GUCY2C: variants seen among roughly 807,000 people sequenced by gnomAD.
The protein encoded by GUCY2C is guanylyl cyclase C.
Under a neutral mutation model 131.1 loss-of-function variants are expected in GUCY2C, and 118 were observed. The observed-to-expected ratio is 0.90, with a 90% confidence interval of 0.78 to 1.05. GUCY2C has a LOEUF of 1.05. Among genes scored for constraint, GUCY2C ranks in the 50% least tolerant of loss-of-function variants. The pLI, the probability that GUCY2C is intolerant of heterozygous loss-of-function variation, is 0.00. For missense variants in GUCY2C, 1,161 were observed against 1,304.4 expected (o/e 0.89, Z 1.69); for synonymous variants, 452 against 457.8 (o/e 0.99, Z 0.16).
At chr12:14,639,986 A>G in intron 18 of GUCY2C, 36 bp from the exon 19 acceptor site, 1 of 1,271,824 alleles carries the variant, frequency 7.9e-7, no homozygotes, top group Non-Finnish European at 1.2e-6. Flanking sequence ...TACAAAGAAG[A>G]ATACAGCATG....
chr12:14,663,618 G>A (rs1947913201), intron 10 of GUCY2C, among the ~76,000 whole-genome samples: 1 of 152,154 alleles, frequency 6.6e-6, no homozygotes, highest in African/African-American at 2.4e-5. Context: ...TATAATTGAT[G>A]TAGGTGCCCC....
intron 21 of GUCY2C, among the ~76,000 whole-genome samples, chr12:14,625,136 C>T (rs1029380280): frequency 5.3e-5 from 8 of 152,046 alleles, no homozygotes; most frequent in East Asian, 1.9e-4. Context: ...AGCTGTGATC[C>T]GCCTCCTAGT....
intron 2 of GUCY2C, among the ~76,000 whole-genome samples, 184 bp downstream of exon 2, chr12:14,687,767 C>A (rs1194373058): frequency 6.6e-6 from 1 of 152,146 alleles, no homozygotes; most frequent in Non-Finnish European, 1.5e-5. Flanking sequence ...TCATGGAGGG[C>A]CCCTGTCATT....
Position 14,619,266 on chromosome 12 carries a change from A to G in GUCY2C, c.2820T>C (p.Tyr940=), listed in dbSNP as rs759602995. 17 of 1,613,006 alleles carry G rather than the reference A, an allele frequency of 1.1e-5. No homozygotes were observed. The highest frequency in any genetic ancestry group is 1.4e-5 in the Non-Finnish European group (17 of 1,179,140). The change falls in exon 24 of 27, where the codon TAT becomes TAC. Residue 940 remains tyrosine (Y), a synonymous_variant. Coordinates refer to ENST00000261170, the MANE Select transcript of GUCY2C (RefSeq NM_004963.4). The part of the protein sequence containing the change: ...AGVVGIKMPR[Y]CLFGDTVNTA... ...TGTTGACCGTATCTCCAAATAGACAATAACGAGGCATCTTGATTCCCACAA... is the reference window on the plus strand; with the variant it reads ...TGTTGACCGTATCTCCAAATAGACAGTAACGAGGCATCTTGATTCCCACAA...
chr12:14,673,856 C>A (rs1465890861), intron 8 of GUCY2C, among the ~76,000 whole-genome samples: 2 of 152,168 alleles, frequency 1.3e-5, no homozygotes, highest in African/African-American at 4.8e-5. Context: ...CTCCCTGCAT[C>A]TTCAGTGAAG....
chr12:14,628,104 G>A (rs1386781308), intron 20 of GUCY2C, among the ~76,000 whole-genome samples: 1 of 152,124 alleles, frequency 6.6e-6, no homozygotes, highest in African/African-American at 2.4e-5. Context: ...TTAATTCAGT[G>A]TTATTTTTCT....
chr12:14,638,039 T>C (rs1308571687), intron 19 of GUCY2C, among the ~76,000 whole-genome samples: 1 of 152,032 alleles, frequency 6.6e-6, no homozygotes, highest in Non-Finnish European at 1.5e-5. Flanking sequence ...AAAAATTCCA[T>C]TAAAAAGTGG....
chr12:14,619,193 AAC>A lies in GUCY2C; in HGVS notation c.2875+16_2875+17del, dbSNP rs759505870. The A allele has an allele frequency of 1.4e-6, 2 of 1,451,070 alleles. No homozygotes were observed. The highest frequency in any genetic ancestry group is 1.4e-5 in the African/African-American group (1 of 71,828). 89.9% of individuals were successfully genotyped at this position (1,451,070 alleles called of 1,614,324 possible). A position where few individuals can be genotyped will look rare whatever the true frequency, so the allele number is the denominator to read the frequency against. On this transcript the variant is annotated intron_variant, in intron 24 of 26. Coordinates refer to ENST00000261170, the MANE Select transcript of GUCY2C (RefSeq NM_004963.4). ...AACAGCATCTTTGTCCTCTGAGAAA[AAC>A]AGTCTCCCTTCTTACGGAGGCCAGT...
At chr12:14,651,537 G>A in intron 14 of GUCY2C, 26 bp from the exon 15 acceptor site, 1 of 1,233,394 alleles carries the variant, frequency 8.1e-7, no homozygotes, top group Non-Finnish European at 1.2e-6. Flanking sequence ...TGTTTACAAA[G>A]CAAATTAGGC....
In GUCY2C at chr12:14,652,996, G is replaced by A. The variant is rs567666821; in HGVS notation, c.1489C>T (p.Arg497Ter). 11 of 1,611,410 alleles carry A rather than the reference G, an allele frequency of 6.8e-6. No individual in the cohort carries two copies. The South Asian group carries it at 7.7e-5, about 11-fold the overall frequency. Residue 497 changes from arginine (R) to a stop codon, truncating the protein, a stop_gained, in exon 13 of 27, where the codon CGA becomes TGA. Coordinates refer to ENST00000261170, the MANE Select transcript of GUCY2C (RefSeq NM_004963.4). LOFTEE classifies it high-confidence loss of function. Reference protein sequence around the residue: ...VSLKIDDDKRRDTIQRLRQCK... With the variant: ...VSLKIDDDKR Reference sequence around the variant, plus strand: ...TGTCGTAGTCTCTGGATTGTATCTCGTCTTTTGTCATCATCGATCTGGCAC... The same window carrying A: ...TGTCGTAGTCTCTGGATTGTATCTCATCTTTTGTCATCATCGATCTGGCAC...
At chr12:14,676,385 A>G (rs1264325976) in intron 7 of GUCY2C, among the ~76,000 whole-genome samples, 1 of 152,276 alleles carries the variant, frequency 6.6e-6, no homozygotes, top group African/African-American at 2.4e-5. Flanking sequence ...CTTAATTATA[A>G]TGGAAGACAA....
At chr12:14,625,127 G>A (rs1328175390) in intron 21 of GUCY2C, among the ~76,000 whole-genome samples, 4 of 152,076 alleles carry the variant, frequency 2.6e-5, no homozygotes, top group African/African-American at 9.7e-5. Flanking sequence ...TTTCCCCCAA[G>A]CTGTGATCCG....
intron 15 of GUCY2C, among the ~76,000 whole-genome samples, chr12:14,650,775 T>C (rs1947637321): frequency 6.6e-6 from 1 of 152,152 alleles, no homozygotes; most frequent in East Asian, 1.9e-4. Context: ...TTCATAGGGA[T>C]TAATCCAAAG....
chr12:14,678,543 G>A (rs554458340), intron 6 of GUCY2C, among the ~76,000 whole-genome samples: 16 of 152,296 alleles, frequency 1.1e-4, no homozygotes, highest in Admixed American at 1.0e-3. Context: ...CTGTACTTCT[G>A]TAGTTTAGAG....
chr12:14,644,645 G>C (rs921843706), intron 16 of GUCY2C, among the ~76,000 whole-genome samples: 3 of 151,596 alleles, frequency 2.0e-5, no homozygotes, highest in Non-Finnish European at 4.4e-5. Context: ...TTCCTATCAC[G>C]TCTCAAAATA....
intron 1 of GUCY2C, among the ~76,000 whole-genome samples, chr12:14,689,765 G>GATTTATTATTA (rs1357180354): frequency 9.9e-5 from 15 of 152,008 alleles, no homozygotes; most frequent in African/African-American, 3.6e-4. Flanking sequence ...TTTATCAATG[G>GATTTATTATTA]GTATGATTGT....
chr12:14,630,328 A>G (rs1485410598), intron 19 of GUCY2C, among the ~76,000 whole-genome samples: 2 of 152,072 alleles, frequency 1.3e-5, no homozygotes, highest in Admixed American at 1.3e-4. Context: ...TGACTACCTT[A>G]GAGCAGAATA....
intron 9 of GUCY2C, 145 bp downstream of exon 9, chr12:14,672,728 T>C: frequency 1.6e-6 from 1 of 612,312 alleles, no homozygotes; most frequent in Non-Finnish European, 3.0e-6. Context: ...CTACCCTAAG[T>C]GGGGCGTAAT....
At chr12:14,671,170 T>C (rs2137071242) in intron 9 of GUCY2C, among the ~76,000 whole-genome samples, 1 of 152,154 alleles carries the variant, frequency 6.6e-6, no homozygotes, top group South Asian at 2.1e-4. Flanking sequence ...AATTTACCAG[T>C]GTACCCTCAA....
Sources: gnomAD v4.1 joint callset for allele counts (sites outside exome capture counted in the v4.1 genomes callset) on GRCh38, gnomAD v4.1.1 for gene constraint, MANE v1.5 for transcripts, NCBI Gene and HGNC (gene_info 2026-07-23, HGNC 2026-07-21) for gene names.